Variants in DOCK10 observed in about 807,000 individuals in gnomAD.
The protein encoded by DOCK10 is dedicator of cytokinesis protein 10.
In DOCK10, 145 loss-of-function variants were observed where a neutral mutation model predicts 280.1. That is an observed-to-expected ratio of 0.52 (90% CI 0.45 to 0.59). The LOEUF is 0.59. DOCK10 is among the 20% of genes least tolerant of loss of function. DOCK10 has a pLI of 0.00. For missense variants in DOCK10, 2,368 were observed against 2,651.7 expected, an observed-to-expected ratio of 0.89 and a Z score of 2.35; for synonymous variants, 915 against 942.2, an observed-to-expected ratio of 0.97 and a Z score of 0.53.
chr2:225,013,731 T>C (rs914106668), intron 1 of DOCK10, among the ~76,000 whole-genome samples: 4 of 152,188 alleles, frequency 2.6e-5, no homozygotes, highest in African/African-American at 4.8e-5. Context: ...TGTGCAGTGC[T>C]TACTGCCAGT....
chr2:225,042,271 C>T lies in DOCK10; in HGVS notation c.104G>A (p.Ser35Asn), dbSNP rs2106155981. The T allele has an allele frequency of 1.5e-6, 2 of 1,328,702 alleles. No individual in the cohort carries two copies. The highest frequency in any genetic ancestry group is 2.0e-5 in the South Asian group (1 of 49,914). The allele number at this position is 1,328,702 out of a possible 1,614,324, so 82.3% of individuals were successfully genotyped here. Residue 35 changes from serine to asparagine, a missense_variant, in exon 1 of 56, where the codon AGC becomes AAC. This residue lies in a region of DOCK10 where 1,209 missense variants were observed against 1,250.9 expected (regional missense o/e 0.97). Transcript: ENST00000258390. The surrounding 1 kb of genome is among the most constrained non-coding windows in gnomAD (Gnocchi z 5.1). ...SAASAAAVAV[S>N]SRQQQRQEKP... ...ACTCACCCGCTGCTGCTGCCGGCTG[C>T]TGACTGCCACCGCGGCGGCGGACGC...
intron 4 of DOCK10, among the ~76,000 whole-genome samples, chr2:224,890,544 TG>T (rs1440411765): frequency 6.6e-6 from 1 of 152,192 alleles, no homozygotes; most frequent in Non-Finnish European, 1.5e-5. Context: ...GCCGCAGAAG[TG>T]TCTGTCACTG....
intron 1 of DOCK10, among the ~76,000 whole-genome samples, chr2:224,942,893 T>C (rs545839259): frequency 1.6e-4 from 25 of 152,286 alleles, no homozygotes; most frequent in African/African-American, 6.0e-4. Context: ...ACAAATCACA[T>C]TTATTTAAAT....
At chr2:225,038,609 C>T (rs1389536288) in intron 1 of DOCK10, among the ~76,000 whole-genome samples, 1 of 152,070 alleles carries the variant, frequency 6.6e-6, no homozygotes, top group East Asian at 1.9e-4. Context: ...ATAATCACTT[C>T]CGGCAGGATG....
At chr2:224,851,098 A>T (rs945500327) in intron 18 of DOCK10, among the ~76,000 whole-genome samples, 4 of 152,112 alleles carry the variant, frequency 2.6e-5, no homozygotes, top group Admixed American at 6.5e-5. Context: ...GCATGCTACT[A>T]TTCTGTCCAG....
In DOCK10 at chr2:224,938,917, A is replaced by C. The variant is rs77133710; in HGVS notation, c.124-7249T>G. 1.7e-4 allele frequency among the ~76,000 whole-genome samples: 26 copies of C among 152,356 alleles called. No individual in the cohort carries two copies. The East Asian group carries it at 4.8e-3, about 28-fold the overall frequency. ...TTTTCCTACCAAAAAGGAAGTGATT[A>C]AGTAAAGAATAAGCCATCTTACACT... On this transcript the variant is annotated intron_variant, in intron 1 of 55. Transcript: ENST00000258390.
chr2:224,905,232 C>G (rs1435436116), intron 3 of DOCK10, among the ~76,000 whole-genome samples: 2 of 140,854 alleles, frequency 1.4e-5, no homozygotes, highest in Non-Finnish European at 1.5e-5. Context: ...GCCTATGGAA[C>G]TATTTTTTTT....
In DOCK10 at chr2:225,042,024, C is replaced by G. The variant is rs1690443985; in HGVS notation, c.123+228G>C. 6.6e-6 allele frequency among the ~76,000 whole-genome samples: 1 copy of G among 152,264 alleles called. No individual in the cohort carries two copies. Among genetic ancestry groups the G allele is most frequent in the Non-Finnish European group, 1.5e-5 (1 of 68,046 alleles). On this transcript the variant is annotated intron_variant, in intron 1 of 55. Transcript: ENST00000258390. This position sits in a 1 kb window ranked among gnomAD's most constrained non-coding sequence, Gnocchi z 5.1. Reference sequence around the variant, plus strand: ...TTCTGCTACCCACGCAGCTGCTCCTCTGAGCGTCCCGCGTGCACAAACGCG... The same window carrying G: ...TTCTGCTACCCACGCAGCTGCTCCTGTGAGCGTCCCGCGTGCACAAACGCG...
chr2:224,780,355 T>G (rs919449753), intron 50 of DOCK10, among the ~76,000 whole-genome samples: 44 of 152,184 alleles, frequency 2.9e-4, no homozygotes, highest in African/African-American at 9.2e-4. Flanking sequence ...GTGGCTACAA[T>G]TGACAGACTG....
chr2:224,780,803 G>A (rs1459805813), intron 50 of DOCK10, among the ~76,000 whole-genome samples: 1 of 152,016 alleles, frequency 6.6e-6, no homozygotes, highest in East Asian at 1.9e-4. Flanking sequence ...AGGAGGCTGA[G>A]GCAGGAGAAT....
At chr2:224,799,330 A>G (rs1368420935) in intron 41 of DOCK10, among the ~76,000 whole-genome samples, 2 of 152,230 alleles carry the variant, frequency 1.3e-5, no homozygotes, top group East Asian at 3.9e-4. Context: ...TACAGCATGT[A>G]TCAGTAGTTT....
At chr2:224,771,791 T>C (rs1690457608) in intron 53 of DOCK10, among the ~76,000 whole-genome samples, 1 of 151,668 alleles carries the variant, frequency 6.6e-6, no homozygotes, top group Non-Finnish European at 1.5e-5. Context: ...AGTCATCTTG[T>C]ATGGGATAGG....
At position 224,977,139 on chromosome 2, in the gene DOCK10, G is replaced by A. The variant is rs139071665; in HGVS notation, c.124-45471C>T. On this transcript the variant is annotated intron_variant, in intron 1 of 55. Transcript: ENST00000258390. ...CTATTGTTAATTTCCTGCCTTAGAC[G>A]AAAATTCAAGACAAAGCCATATTTG... 2.9e-3 allele frequency among the ~76,000 whole-genome samples: 443 copies of A among 152,282 alleles called. 4 individuals are homozygous for A. Among genetic ancestry groups the A allele is most frequent in the African/African-American group, 0.01 (432 of 41,564 alleles).
rs944791443 is a variant in DOCK10 at position 224,804,121 on chromosome 2, A to C, written c.4259T>G (p.Leu1420Trp). 2 of 1,606,742 alleles carry C rather than the reference A, an allele frequency of 1.2e-6. No individual in the cohort carries two copies. The highest frequency in any genetic ancestry group is 1.7e-6 in the Non-Finnish European group (2 of 1,174,010). Residue 1420 changes from leucine to tryptophan, a missense_variant, in exon 39 of 56, where the codon TTG (leucine) becomes TGG (tryptophan). This residue lies in a region of DOCK10 where 1,159 missense variants were observed against 1,400.8 expected (regional missense o/e 0.83). Coordinates refer to ENST00000258390, the MANE Select transcript of DOCK10 (RefSeq NM_014689.3). ...GCAAATGTGACATTACCATTGTGAC[A>C]AGAGACCTGATGTCTGGCAGGAAGG... ...SNPSCQTSGL[L>W]SQWMHSTSSH...
intron 1 of DOCK10, among the ~76,000 whole-genome samples, chr2:224,995,734 T>C (rs1002250478): frequency 1.3e-5 from 2 of 152,206 alleles, no homozygotes; most frequent in African/African-American, 4.8e-5. Flanking sequence ...CATTCCCTTG[T>C]TTTCAGGATG....
Position 224,801,914 on chromosome 2 carries a change from A to T in DOCK10, c.4393+2T>A. ...TTGTTCCTATTATTTCAGTTTACTT[A>T]CTGGTCATGGTATTGTCTAACATCT... On this transcript the variant is annotated splice_donor_variant, in intron 40 of 55. Coordinates refer to ENST00000258390, the MANE Select transcript of DOCK10 (RefSeq NM_014689.3). LOFTEE classifies it high-confidence loss of function. 1 of 1,612,558 alleles carries T rather than the reference A, an allele frequency of 6.2e-7. No homozygotes were observed. The highest frequency in any genetic ancestry group is 8.5e-7 in the Non-Finnish European group (1 of 1,178,986).
chr2:224,846,406 G>GT (rs973029474), intron 19 of DOCK10, among the ~76,000 whole-genome samples: 3 of 149,686 alleles, frequency 2.0e-5, no homozygotes, highest in East Asian at 2.0e-4. Flanking sequence ...AAATGCAGAA[G>GT]TTTTTTTTTC....
chr2:224,971,580 C>T (rs1705085191), intron 1 of DOCK10, among the ~76,000 whole-genome samples: 1 of 152,038 alleles, frequency 6.6e-6, no homozygotes, highest in African/African-American at 2.4e-5. Context: ...CCATAAGTGG[C>T]TATGAAGTCC....
At chr2:225,031,322 GA>G (rs773086024) in intron 1 of DOCK10, among the ~76,000 whole-genome samples, 38 of 152,192 alleles carry the variant, frequency 2.5e-4, no homozygotes, top group Non-Finnish European at 4.7e-4. Flanking sequence ...CATCTGTTCA[GA>G]AATGGACTTA....
Sources: gnomAD v4.1 joint callset for allele counts (sites outside exome capture counted in the v4.1 genomes callset) on GRCh38, gnomAD v4.1.1 for gene constraint, gnomAD v4.1.1 regional missense constraint, Gnocchi (gnomAD v3.1) non-coding constraint, MANE v1.5 for transcripts, NCBI Gene and HGNC (gene_info 2026-07-23, HGNC 2026-07-21) for gene names.